The following SCUBE1 variants were observed in gnomAD, a reference collection of about 807,000 sequenced individuals.
SCUBE1 encodes the protein signal peptide, CUB and EGF-like domain-containing protein 1.
Under a neutral mutation model 124.4 loss-of-function variants are expected in SCUBE1, and 59 were observed. That is an observed-to-expected ratio of 0.47 (90% confidence interval 0.38 to 0.59). The LOEUF (loss-of-function observed/expected upper bound fraction) is 0.59, where lower values mean the gene tolerates loss of function less well. SCUBE1 is among the 20% of genes least tolerant of loss of function. The probability of loss-of-function intolerance (pLI) is 0.00; values close to 1 mark genes in which losing one functional copy is unlikely to be tolerated. For synonymous variants in SCUBE1, 545 were observed against 550.9 expected (o/e 0.99, Z 0.15); for missense variants, 1,150 against 1,371.2 (o/e 0.84, Z 2.55).
intron 6 of SCUBE1, among the ~76,000 whole-genome samples, chr22:43,241,104 C>T (rs1002839615): frequency 6.6e-6 from 1 of 152,196 alleles, no homozygotes; most frequent in African/African-American, 2.4e-5. Flanking sequence ...CCTGGAGGCT[C>T]TTCTCTTCCC....
intron 3 of SCUBE1, among the ~76,000 whole-genome samples, chr22:43,306,534 A>G (rs139322759): frequency 6.2e-4 from 95 of 152,202 alleles, no homozygotes; most frequent in African/African-American, 1.3e-3. Flanking sequence ...TGGAGGGAGG[A>G]TGGGATCACG....
At chr22:43,239,523 C>G (rs1922914269) in intron 6 of SCUBE1, among the ~76,000 whole-genome samples, 1 of 152,282 alleles carries the variant, frequency 6.6e-6, no homozygotes, top group Non-Finnish European at 1.5e-5. Context: ...CCAAAGGCAT[C>G]TGGTTTTTGT....
At chr22:43,274,280 G>A (rs1924409629) in intron 4 of SCUBE1, among the ~76,000 whole-genome samples, 1 of 152,160 alleles carries the variant, frequency 6.6e-6, no homozygotes, top group Admixed American at 6.5e-5. Flanking sequence ...AATTTCAGGT[G>A]GACAATCAAT....
intron 1 of SCUBE1, among the ~76,000 whole-genome samples, chr22:43,339,973 A>G (rs1314519710): frequency 5.6e-5 from 1 of 17,764 alleles, no homozygotes; most frequent in Non-Finnish European, 9.9e-5. Context: ...ACCCCCCCCA[A>G]AGCATAGCTC....
chr22:43,264,732 C>T (rs550535492), intron 4 of SCUBE1, among the ~76,000 whole-genome samples: 2 of 152,360 alleles, frequency 1.3e-5, no homozygotes, highest in South Asian at 2.1e-4. Context: ...CTCCACGGTT[C>T]GCCATCCCAC....
In SCUBE1 at chr22:43,211,920, G is replaced by C. The variant is rs1036196486; in HGVS notation, c.2221+505C>G. 6.6e-6 allele frequency among the ~76,000 whole-genome samples: 1 copy of C among 152,150 alleles called. No individual in the cohort carries two copies. The highest frequency in any genetic ancestry group is 1.5e-5 in the Non-Finnish European group (1 of 68,014). ...AGGGGGCTGAGAGCCAGGCCACCTG[G>C]ACAGACAGACAGACACTGAGAGGGA... On this transcript the variant is annotated intron_variant, in intron 17 of 21. Transcript: ENST00000360835. The surrounding 1 kb of genome is among the most constrained non-coding windows in gnomAD (Gnocchi z 4.5).
chr22:43,222,173 T>C (rs1244713210), intron 12 of SCUBE1, among the ~76,000 whole-genome samples: 6 of 152,218 alleles, frequency 3.9e-5, no homozygotes, highest in African/African-American at 1.4e-4. Context: ...GCTCCTTAGC[T>C]GGCAGGAGCT....
At chr22:43,271,715 C>G (rs996211898) in intron 4 of SCUBE1, among the ~76,000 whole-genome samples, 1 of 152,156 alleles carries the variant, frequency 6.6e-6, no homozygotes, top group African/African-American at 2.4e-5. Context: ...CCGGACTAGA[C>G]CCCCAGCTGG....
At chr22:43,216,169 C>A (rs538240408) in intron 15 of SCUBE1, among the ~76,000 whole-genome samples, 1 of 151,986 alleles carries the variant, frequency 6.6e-6, no homozygotes, top group Admixed American at 6.5e-5. Flanking sequence ...GTCTCAGCCT[C>A]CCCAGTAGCT....
At chr22:43,227,301 C>T (rs1601811372) in intron 10 of SCUBE1, 73 bp downstream of exon 10, 9 of 1,526,970 alleles carry the variant, frequency 5.9e-6, no homozygotes, top group African/African-American at 1.4e-5. Context: ...ACCCCCACCT[C>T]AGAAAAGCCA....
Position 43,197,840 on chromosome 22 carries a change from G to T in SCUBE1, c.*6157C>A, listed in dbSNP as rs137952589. ...CGAGTTTTTCGTGCTTGTGAAGGAG[G>T]GAAGGAATGTCACTGAAGTCACCCT... On this transcript the variant is annotated 3_prime_UTR_variant, in exon 22 of 22. Coordinates refer to ENST00000360835, the MANE Select transcript of SCUBE1 (RefSeq NM_173050.5). The T allele has an allele frequency of 6.6e-6, 1 of 152,384 alleles. No individual in the cohort carries two copies. The highest frequency in any genetic ancestry group is 1.5e-5 in the Non-Finnish European group (1 of 68,072). The allele number at this position is 152,384 out of a possible 1,614,324, so 9.4% of individuals were successfully genotyped here. A position where few individuals can be genotyped will look rare whatever the true frequency, so the allele number is the denominator to read the frequency against.
intron 5 of SCUBE1, among the ~76,000 whole-genome samples, chr22:43,261,463 G>A (rs1434043592): frequency 6.6e-6 from 1 of 152,218 alleles, no homozygotes; most frequent in Non-Finnish European, 1.5e-5. Context: ...TCTGGTACAC[G>A]TGGGTCCCCA....
rs936669491 is a variant in SCUBE1 at position 43,291,881 on chromosome 22, C to A, written c.350-701G>T. Among the ~76,000 whole-genome samples the A allele has an allele frequency of 9.2e-5, 14 of 152,204 alleles. No individual in the cohort carries two copies. In the South Asian group the frequency reaches 1.2e-3, roughly 14 times the overall value. ...TTTTATAGATGAGGAAACTTAGGTG[C>A]GGAGGGGCAAAGTCACTTGTCTAAA... is the stretch of plus-strand genomic sequence containing the variant. On this transcript the variant is annotated intron_variant, in intron 3 of 21. Coordinates refer to ENST00000360835, the MANE Select transcript of SCUBE1 (RefSeq NM_173050.5).
Position 43,212,326 on chromosome 22 carries a change from C to T in SCUBE1, c.2221+99G>A, listed in dbSNP as rs1026969984. On this transcript the variant is annotated intron_variant, in intron 17 of 21. Transcript: ENST00000360835. ...GGCTCCTCCTCTGAGCTGGGAGGTT[C>T]GCCACATGGAGGAGATGAGAGGGGT... 16 of 1,333,478 alleles carry T rather than the reference C, an allele frequency of 1.2e-5. No homozygotes were observed. The East Asian group carries it at 2.3e-4, about 19-fold the overall frequency. 82.6% of individuals were successfully genotyped at this position (1,333,478 alleles called of 1,614,324 possible). A position where few individuals can be genotyped will look rare whatever the true frequency, so the allele number is the denominator to read the frequency against.
At chr22:43,295,657 C>T (rs1448700009) in intron 3 of SCUBE1, among the ~76,000 whole-genome samples, 2 of 152,378 alleles carry the variant, frequency 1.3e-5, no homozygotes, top group Admixed American at 1.3e-4. Context: ...CCCACCCATT[C>T]ACCTCTGCCC....
At chr22:43,312,080 T>C (rs1926190414) in intron 3 of SCUBE1, among the ~76,000 whole-genome samples, 2 of 152,196 alleles carry the variant, frequency 1.3e-5, no homozygotes, top group African/African-American at 4.8e-5. Flanking sequence ...GCTACCACTT[T>C]CTGGTGCAAA....
chr22:43,324,595 C>T (rs926557589), intron 2 of SCUBE1, among the ~76,000 whole-genome samples: 3 of 152,040 alleles, frequency 2.0e-5, no homozygotes, highest in Non-Finnish European at 4.4e-5. Flanking sequence ...GATAAACACA[C>T]AAACAAACCA....
intron 4 of SCUBE1, among the ~76,000 whole-genome samples, chr22:43,284,752 A>ATCG (rs1555886369): frequency 8.1e-4 from 94 of 116,518 alleles, no homozygotes; most frequent in Middle Eastern, 4.3e-3. Context: ...TCTTGCAATC[A>ATCG]TCATCGTCAT....
intron 3 of SCUBE1, among the ~76,000 whole-genome samples, chr22:43,310,143 C>T (rs1926118930): frequency 6.6e-6 from 1 of 152,138 alleles, no homozygotes; most frequent in African/African-American, 2.4e-5. Flanking sequence ...GTTGCCTCAT[C>T]TCCAGTCTGT....
Sources: gnomAD v4.1 joint callset for allele counts (sites outside exome capture counted in the v4.1 genomes callset) on GRCh38, gnomAD v4.1.1 for gene constraint, Gnocchi (gnomAD v3.1) non-coding constraint, MANE v1.5 for transcripts, NCBI Gene and HGNC (gene_info 2026-07-23, HGNC 2026-07-21) for gene names.